Variants in SLC24A2 observed in about 807,000 individuals in gnomAD.
SLC24A2 encodes the protein solute carrier family 24 member 2, also known as sodium/potassium/calcium exchanger 2.
SLC24A2 carries 36 observed loss-of-function variants against 62.0 expected under a neutral mutation model. The observed-to-expected ratio is 0.58, with a 90% CI of 0.44 to 0.77. The LOEUF is 0.77. SLC24A2 is among the 30% of genes least tolerant of loss of function. The pLI is 0.00. For missense variants in SLC24A2, 846 were observed against 817.9 expected (o/e 1.03, Z -0.42); for synonymous variants, 358 against 294.0 (o/e 1.22, Z -2.23).
the SLC24A2 span, among the ~76,000 whole-genome samples, chr9:20,107,381 T>C: frequency 0.014 from 2,007 of 148,324 alleles, 59 homozygotes; most frequent in African/African-American, 0.05. Context: ...GAGCCCACAT[T>C]GCCAAGTCAA....
chr9:19,603,682 T>G (rs1225108571), intron 4 of SLC24A2, among the ~76,000 whole-genome samples: 4 of 152,220 alleles, frequency 2.6e-5, no homozygotes, highest in African/African-American at 7.2e-5. Flanking sequence ...ATTTGCACTC[T>G]TCTTCCCTTA....
chr9:19,516,269 A>C lies in SLC24A2; in HGVS notation c.1870T>G (p.Cys624Gly), dbSNP rs1315455765. 2 of 1,614,196 alleles carry C rather than the reference A, an allele frequency of 1.2e-6. No individual in the cohort carries two copies. ...LLFVILSIAL[C>G]KWRMNKILGF... ...AGGATTTTGTTCATTCGCCACTTGC[A>C]GAGGGCGATAGAGAGGATGACGAAG... The change falls in exon 11 of 11, where the codon TGC becomes GGC. Residue 624 changes from cysteine to glycine, a missense_variant. Physicochemically the swap from Cys to Gly is radical, Grantham distance 159 (BLOSUM62 -3). Coordinates refer to ENST00000341998, the MANE Select transcript of SLC24A2 (RefSeq NM_020344.4).
chr9:20,273,033 G>C, the SLC24A2 span, among the ~76,000 whole-genome samples: 2 of 152,216 alleles, frequency 1.3e-5, no homozygotes, highest in African/African-American at 4.8e-5. Flanking sequence ...GGGAAGAAGA[G>C]GATCTACCGT....
the SLC24A2 span, among the ~76,000 whole-genome samples, chr9:20,189,313 T>C: frequency 6.6e-6 from 1 of 152,150 alleles, no homozygotes; most frequent in Non-Finnish European, 1.5e-5. Flanking sequence ...AACAATGAAG[T>C]TGTCATCCTG....
chr9:20,245,583 G>T, the SLC24A2 span, among the ~76,000 whole-genome samples: 1 of 152,326 alleles, frequency 6.6e-6, no homozygotes, highest in East Asian at 1.9e-4. Flanking sequence ...CCCAAGCCAT[G>T]GTGAGGAGAA....
chr9:19,775,417 TTCTA>T (rs2118907612), intron 2 of SLC24A2, among the ~76,000 whole-genome samples: 1 of 152,346 alleles, frequency 6.6e-6, no homozygotes, highest in South Asian at 2.1e-4. Flanking sequence ...TCTGCAATCG[TTCTA>T]TCTCAGAGCC....
At chr9:19,572,565 G>C (rs968382556) in intron 7 of SLC24A2, among the ~76,000 whole-genome samples, 1 of 152,082 alleles carries the variant, frequency 6.6e-6, no homozygotes, top group Non-Finnish European at 1.5e-5. Flanking sequence ...AGACATGCTT[G>C]CTTCCCCTTC....
intron 7 of SLC24A2, among the ~76,000 whole-genome samples, chr9:19,552,361 A>G (rs1035436702): frequency 6.6e-6 from 1 of 152,194 alleles, no homozygotes; most frequent in African/African-American, 2.4e-5. Flanking sequence ...GGAGACAGGT[A>G]TATTTTCCTG....
the SLC24A2 span, among the ~76,000 whole-genome samples, chr9:20,175,348 A>G: frequency 6.6e-6 from 1 of 151,958 alleles, no homozygotes; most frequent in Non-Finnish European, 1.5e-5. Flanking sequence ...TCATTCATGT[A>G]ATCAAAGACC....
At chr9:20,115,790 C>G in the SLC24A2 span, among the ~76,000 whole-genome samples, 1 of 152,132 alleles carries the variant, frequency 6.6e-6, no homozygotes, top group African/African-American at 2.4e-5. Context: ...AATGGACTAT[C>G]CATAGTGTGT....
At chr9:20,166,965 T>G in the SLC24A2 span, among the ~76,000 whole-genome samples, 802 of 152,066 alleles carry the variant, frequency 5.3e-3, 10 homozygotes, top group African/African-American at 0.018. Context: ...CTCAGCCTCC[T>G]GAGTAGCTGG....
At chr9:20,237,647 G>C in the SLC24A2 span, among the ~76,000 whole-genome samples, 14 of 152,198 alleles carry the variant, frequency 9.2e-5, no homozygotes, top group African/African-American at 3.4e-4. Context: ...GCTCAAGAAA[G>C]AGCACTCACC....
chr9:19,798,615 C>CAA, the SLC24A2 span, among the ~76,000 whole-genome samples: 1 of 151,684 alleles, frequency 6.6e-6, no homozygotes, highest in Non-Finnish European at 1.5e-5. Flanking sequence ...CACACACACA[C>CAA]ACACACACAC....
At chr9:20,237,037 G>A in the SLC24A2 span, among the ~76,000 whole-genome samples, 2 of 152,036 alleles carry the variant, frequency 1.3e-5, no homozygotes, top group African/African-American at 4.8e-5. Flanking sequence ...AGGCTAAGCT[G>A]GAGCCTGAAT....
chr9:19,755,718 C>T (rs1246796616), intron 2 of SLC24A2, among the ~76,000 whole-genome samples: 1 of 152,144 alleles, frequency 6.6e-6, no homozygotes. Context: ...CACTACGATG[C>T]CATAATCTGG....
chr9:19,642,671 C>CTTTTT lies in SLC24A2; in HGVS notation c.931-20377_931-20373dup, dbSNP rs71335440. 2.3e-4 allele frequency among the ~76,000 whole-genome samples: 18 copies of CTTTTT among 79,848 alleles called. 7 individuals are homozygous for CTTTTT. Among genetic ancestry groups the CTTTTT allele is most frequent in the African/African-American group, 3.8e-4 (8 of 21,016 alleles). 52.4% of individuals were successfully genotyped at this position (79,848 alleles called of 152,430 possible). A position where few individuals can be genotyped will look rare whatever the true frequency, so the allele number is the denominator to read the frequency against. Reference sequence around the variant, plus strand: ...AGAATGGTTTATATGAGAGCGTATTCTTTTTTTTTTTTTTTTTTTTTTTTT... The same window carrying CTTTTT: ...AGAATGGTTTATATGAGAGCGTATTCTTTTTTTTTTTTTTTTTTTTTTTTTTTTTT... On this transcript the variant is annotated intron_variant, in intron 2 of 10. Transcript: ENST00000341998.
the SLC24A2 span, among the ~76,000 whole-genome samples, chr9:19,808,240 G>A: frequency 6.6e-6 from 1 of 152,200 alleles, no homozygotes. The surrounding 1 kb of genome is among the most constrained non-coding windows in gnomAD (Gnocchi z 4.1). Context: ...AGATGACACA[G>A]ATGTACTTGA....
the SLC24A2 span, among the ~76,000 whole-genome samples, chr9:20,121,769 T>C: frequency 1.3e-5 from 2 of 152,126 alleles, no homozygotes; most frequent in African/African-American, 4.8e-5. Context: ...ATTTGAAACT[T>C]CTCTCTAAAA....
rs192948430 is a variant in SLC24A2, at chr9:19,649,738, A to G, written c.931-27439T>C. On this transcript the variant is annotated intron_variant, in intron 2 of 10. Coordinates refer to ENST00000341998, the MANE Select transcript of SLC24A2 (RefSeq NM_020344.4). ...AATGGTTCAACAAGGAAATATGGAC[A>G]GCGGAAAGAAATAAGATTTAACTAC... 5.3e-5 allele frequency among the ~76,000 whole-genome samples: 8 copies of G among 152,346 alleles called. No homozygotes were observed. In the East Asian group the frequency reaches 1.4e-3, roughly 26 times the overall value.
Sources: gnomAD v4.1 joint callset for allele counts (sites outside exome capture counted in the v4.1 genomes callset) on GRCh38, gnomAD v4.1.1 for gene constraint, Gnocchi (gnomAD v3.1) non-coding constraint, MANE v1.5 for transcripts, NCBI Gene and HGNC (gene_info 2026-07-23, HGNC 2026-07-21) for gene names.